The following CACTIN variants were observed in gnomAD, a reference collection of about 807,000 sequenced individuals.
CACTIN encodes the protein cactin, spliceosome C complex subunit, also known as splicing factor Cactin.
A neutral mutation model predicts 84.9 loss-of-function variants in CACTIN; 20 were observed. The observed-to-expected ratio is 0.24, with a 90% confidence interval of 0.17 to 0.34. The LOEUF (loss-of-function observed/expected upper bound fraction) is 0.34, where lower values mean the gene tolerates loss of function less well. Among genes scored for constraint, CACTIN ranks in the 10% least tolerant of loss-of-function variants. The probability of loss-of-function intolerance (pLI) is 1.00; values close to 1 mark genes in which losing one functional copy is unlikely to be tolerated. For synonymous variants in CACTIN, 549 were observed against 467.9 expected (o/e 1.17, Z -2.24); for missense variants, 897 against 1,117.2 (o/e 0.80, Z 2.81).
intron 2 of CACTIN, among the ~76,000 whole-genome samples, chr19:3,623,235 A>G (rs1401683131): frequency 6.6e-6 from 1 of 151,898 alleles, no homozygotes; most frequent in Non-Finnish European, 1.5e-5. Context: ...ACCCTGAGTC[A>G]AAAAAGAAAG....
At position 3,613,516 on chromosome 19, in the gene CACTIN, T is replaced by C. The variant is rs772735810; in HGVS notation, c.1426A>G (p.Ser476Gly). Reference protein sequence around the residue: ...YKLKQEQGVESEPLFPILKQE... With the variant: ...YKLKQEQGVEGEPLFPILKQE... ...TTGAGGATGGGGAACAGCGGCTCGC[T>C]CTCCACGCCCTGCTCCTGCTTCAGT... The change falls in exon 8 of 10, where the codon AGC becomes GGC. Residue 476 changes from serine to glycine, a missense_variant. By Grantham distance (56) the Ser-to-Gly change is moderately conservative. Transcript: ENST00000429344. The C allele has an allele frequency of 1.9e-6, 3 of 1,588,406 alleles. No homozygotes were observed. Among genetic ancestry groups the C allele is most frequent in the Non-Finnish European group, 1.7e-6 (2 of 1,172,210 alleles).
chr19:3,618,209 C>T (rs2033147790), intron 6 of CACTIN, among the ~76,000 whole-genome samples: 2 of 137,468 alleles, frequency 1.5e-5, no homozygotes, highest in African/African-American at 2.9e-5. Context: ...TAGGGCAATT[C>T]TGCCCCCAGG....
rs190587813 is a variant in CACTIN at position 3,611,147 on chromosome 19, C to A, written c.*776G>T. 5.9e-4 allele frequency: 230 copies of A among 387,680 alleles called. 1 individual carries two copies. Among genetic ancestry groups the A allele is most frequent in the African/African-American group, 4.2e-3 (200 of 47,932 alleles). 24.0% of individuals were successfully genotyped at this position (387,680 alleles called of 1,614,324 possible). A position where few individuals can be genotyped will look rare whatever the true frequency, so the allele number is the denominator to read the frequency against. ...GCCCCTGCCCTCCAGGCCCTGTGCTCAGAGGTGGGGGGAGGACGGCTCAGT... is the reference window on the plus strand; with the variant it reads ...GCCCCTGCCCTCCAGGCCCTGTGCTAAGAGGTGGGGGGAGGACGGCTCAGT... On this transcript the variant is annotated 3_prime_UTR_variant, in exon 10 of 10. Coordinates refer to ENST00000429344, the MANE Select transcript of CACTIN (RefSeq NM_001080543.2).
At chr19:3,626,530 A>G in intron 1 of CACTIN, 66 bp downstream of exon 1, 10 of 1,292,344 alleles carry the variant, frequency 7.7e-6, no homozygotes, top group Non-Finnish European at 8.9e-6. Flanking sequence ...CGGGATCTCC[A>G]ACCCTCGGTC....
chr19:3,611,693 C>G lies in CACTIN; in HGVS notation c.*230G>C, dbSNP rs777856140. ...TAGCGCCCCCTCCGTTGCATCAGGACCCTAGGCCAGCCTGTCCCAGTGTCT... is the reference window on the plus strand; with the variant it reads ...TAGCGCCCCCTCCGTTGCATCAGGAGCCTAGGCCAGCCTGTCCCAGTGTCT... On this transcript the variant is annotated 3_prime_UTR_variant, in exon 10 of 10. Transcript: ENST00000429344. 3.2e-6 allele frequency: 2 copies of G among 616,722 alleles called. No homozygotes were observed. The highest frequency in any genetic ancestry group is 3.7e-5 in the South Asian group (2 of 54,296). 38.2% of individuals were successfully genotyped at this position (616,722 alleles called of 1,614,324 possible). A position where few individuals can be genotyped will look rare whatever the true frequency, so the allele number is the denominator to read the frequency against.
At chr19:3,623,257 T>C (rs1361989707) in intron 2 of CACTIN, among the ~76,000 whole-genome samples, 1 of 132,254 alleles carries the variant, frequency 7.6e-6, no homozygotes, top group Admixed American at 7.8e-5. Context: ...TGGCCGGGCG[T>C]GGTGGCTCAC....
chr19:3,612,836 C>T (rs1156584198), intron 9 of CACTIN: 3 of 722,450 alleles, frequency 4.2e-6, no homozygotes, highest in Admixed American at 2.0e-5. Context: ...AAGCTTCCAC[C>T]ACCTGTGGCC....
In CACTIN at chr19:3,611,784, C is replaced by T. The variant is rs1337517192; in HGVS notation, c.*139G>A. 8 of 1,125,042 alleles carry T rather than the reference C, an allele frequency of 7.1e-6. No individual in the cohort carries two copies. Among genetic ancestry groups the T allele is most frequent in the South Asian group, 4.0e-5 (3 of 75,248 alleles). 69.7% of individuals were successfully genotyped at this position (1,125,042 alleles called of 1,614,324 possible). A position where few individuals can be genotyped will look rare whatever the true frequency, so the allele number is the denominator to read the frequency against. ...TATATAGGAGGAAACTGAGGCCTGG[C>T]GAAAGAAAGATGCGGCCTGAGGTGG... is the stretch of plus-strand genomic sequence containing the variant. On this transcript the variant is annotated 3_prime_UTR_variant, in exon 10 of 10. Transcript: ENST00000429344.
rs181555895 is a variant in CACTIN, at chr19:3,616,857, C to T, written c.1162+2018G>A. Among the ~76,000 whole-genome samples the T allele has an allele frequency of 5.0e-4, 76 of 152,012 alleles. 3 individuals carry two copies. In the East Asian group the frequency reaches 0.015, roughly 29 times the overall value. ...TTTCAGAAGTGGCTGGGCACAGTGGCTCACTTCTGTAATCCCAGCACTTTG... is the reference window on the plus strand; with the variant it reads ...TTTCAGAAGTGGCTGGGCACAGTGGTTCACTTCTGTAATCCCAGCACTTTG... On this transcript the variant is annotated intron_variant, in intron 6 of 9. Coordinates refer to ENST00000429344, the MANE Select transcript of CACTIN (RefSeq NM_001080543.2).
chr19:3,621,178 CG>C (rs2033217140), intron 2 of CACTIN: 2 of 384,420 alleles, frequency 5.2e-6, no homozygotes, highest in South Asian at 4.3e-5. Flanking sequence ...CTGAGTGCTT[CG>C]GACGTGAAGG....
intron 6 of CACTIN, chr19:3,616,766 T>C (rs1394859489): frequency 2.0e-5 from 3 of 152,280 alleles, no homozygotes; most frequent in African/African-American, 4.8e-5. Context: ...GGCAGGAGGA[T>C]TGCTTGAGGC....
Position 3,610,684 on chromosome 19 carries a change from C to T in CACTIN, c.*1239G>A, listed in dbSNP as rs1455741184. The stretch of plus-strand genomic sequence containing the variant: ...AACGTTTATTAAAAAAACATGCGAT[C>T]TTGCCAATAGGCCAATTCCATGAGA... On this transcript the variant is annotated 3_prime_UTR_variant, in exon 10 of 10. Coordinates refer to ENST00000429344, the MANE Select transcript of CACTIN (RefSeq NM_001080543.2). The T allele has an allele frequency of 2.2e-6, 1 of 454,700 alleles. No individual in the cohort carries two copies. Among genetic ancestry groups the T allele is most frequent in the East Asian group, 6.9e-5 (1 of 14,404 alleles). The allele number at this position is 454,700 out of a possible 1,614,324, so 28.2% of individuals were successfully genotyped here.
At chr19:3,618,752 G>A in intron 6 of CACTIN, 123 bp downstream of exon 6, 1 of 763,064 alleles carries the variant, frequency 1.3e-6, no homozygotes. Flanking sequence ...CAGAAGGGGA[G>A]GCCCCAGTTG....
chr19:3,620,625 C>CCCCTCA, intron 3 of CACTIN, 82 bp downstream of exon 3: 1 of 1,105,850 alleles, frequency 9.0e-7, no homozygotes, highest in East Asian at 2.5e-5. Flanking sequence ...CCCACTTAAG[C>CCCCTCA]CCCTCAAGTC....
At chr19:3,613,666 T>TA in intron 7 of CACTIN, 80 bp from the exon 8 acceptor site, 1 of 1,518,962 alleles carries the variant, frequency 6.6e-7, no homozygotes, top group South Asian at 1.2e-5. Flanking sequence ...TCACGCCCCT[T>TA]ATTGCTGCAA....
intron 1 of CACTIN, among the ~76,000 whole-genome samples, chr19:3,625,903 G>A (rs2033322832): frequency 6.6e-6 from 1 of 152,216 alleles, no homozygotes; most frequent in South Asian, 2.1e-4. Context: ...AGGCAAATCC[G>A]ACCAAGTGCC....
Position 3,613,448 on chromosome 19 carries a change from T to C in CACTIN, c.1478+16A>G. ...CGCGTCTGCATCGGCGTCCCCGGGG[T>C]GCCGGCCGGGCCTACCTGCGGCTGG... On this transcript the variant is annotated intron_variant, in intron 8 of 9. Transcript: ENST00000429344. The C allele has an allele frequency of 6.4e-7, 1 of 1,564,200 alleles. No individual in the cohort carries two copies.
At chr19:3,618,641 G>A (rs988443060) in intron 6 of CACTIN, among the ~76,000 whole-genome samples, 3 of 152,230 alleles carry the variant, frequency 2.0e-5, no homozygotes, top group Admixed American at 6.5e-5. Context: ...TTAACGGGAC[G>A]CTGGGTCTGG....
chr19:3,621,021 G>T (rs1246887802), intron 2 of CACTIN: 1 of 655,634 alleles, frequency 1.5e-6, no homozygotes, highest in East Asian at 2.8e-5. Context: ...TGTATGCAAA[G>T]GGTAAGAAGG....
Sources: gnomAD v4.1 joint callset for allele counts (sites outside exome capture counted in the v4.1 genomes callset) on GRCh38, gnomAD v4.1.1 for gene constraint, MANE v1.5 for transcripts, NCBI Gene and HGNC (gene_info 2026-07-23, HGNC 2026-07-21) for gene names.